The following AP1B1 variants were observed in gnomAD, a reference collection of about 807,000 sequenced individuals.
AP1B1 encodes the protein AP-1 complex subunit beta-1.
Under a neutral mutation model 104.3 loss-of-function variants are expected in AP1B1, and 36 were observed. The ratio of observed to expected loss-of-function variants is 0.35; its 90% CI spans 0.26 to 0.46. The LOEUF (loss-of-function observed/expected upper bound fraction) is 0.46, where lower values mean the gene tolerates loss of function less well. Among genes scored for constraint, AP1B1 ranks in the 20% least tolerant of loss-of-function variants. The pLI is 1.00. For missense variants in AP1B1, 901 were observed against 1,247.9 expected (o/e 0.72, Z 4.19); for synonymous variants, 504 against 517.5 (o/e 0.97, Z 0.35).
rs755454951 is a variant in AP1B1, at chr22:29,359,836, G to A, written c.267C>T (p.Asn89=). The change falls in exon 4 of 23, where the codon AAC becomes AAT. Residue 89 remains asparagine, a synonymous_variant. Transcript: ENST00000357586. The part of the protein sequence containing the change: ...SQPDMAIMAV[N]TFVKDCEDPN... ...AGCGTCTGCTCACCTTCACAAAGGT[G>A]TTGACGGCCATAATGGCCATGTCAG... 3 of 1,613,662 alleles carry A rather than the reference G, an allele frequency of 1.9e-6. No individual in the cohort carries two copies. In the South Asian group the frequency reaches 3.3e-5, roughly 18 times the overall value.
At chr22:29,345,550 T>TA (rs397806241) in intron 11 of AP1B1, among the ~76,000 whole-genome samples, 2 of 147,594 alleles carry the variant, frequency 1.4e-5, no homozygotes, top group Non-Finnish European at 3.0e-5. Flanking sequence ...TTTTTTTTTT[T>TA]ATAGAGATGA....
chr22:29,374,297 A>T (rs1037313320), intron 1 of AP1B1, among the ~76,000 whole-genome samples: 1 of 151,536 alleles, frequency 6.6e-6, no homozygotes, highest in Non-Finnish European at 1.5e-5. Context: ...AAGTCTTTGG[A>T]GTGTGACATC....
chr22:29,344,704 T>C (rs1195585865), intron 11 of AP1B1, among the ~76,000 whole-genome samples: 2 of 151,672 alleles, frequency 1.3e-5, no homozygotes, highest in Non-Finnish European at 2.9e-5. Context: ...TTTGTATTTT[T>C]AGATGGGTTT....
At chr22:29,358,278 T>C (rs16987443) in intron 5 of AP1B1, among the ~76,000 whole-genome samples, 1,742 of 152,224 alleles carry the variant, frequency 0.011, 42 homozygotes, top group African/African-American at 0.04. Context: ...GGTGACCCTC[T>C]ACAACCCAAC....
At chr22:29,378,374 T>C (rs1224114853) in intron 1 of AP1B1, among the ~76,000 whole-genome samples, 1 of 150,942 alleles carries the variant, frequency 6.6e-6, no homozygotes, top group South Asian at 2.1e-4. Flanking sequence ...CTGGGCAACA[T>C]GGCGAAACCC....
chr22:29,372,331 G>A (rs2062253522), intron 1 of AP1B1, among the ~76,000 whole-genome samples: 1 of 151,726 alleles, frequency 6.6e-6, no homozygotes, highest in African/African-American at 2.4e-5. Flanking sequence ...GGCTGAGGTA[G>A]GGGAATCACT....
chr22:29,364,934 C>T (rs2062109234), intron 2 of AP1B1, among the ~76,000 whole-genome samples: 1 of 151,528 alleles, frequency 6.6e-6, no homozygotes, highest in Non-Finnish European at 1.5e-5. Flanking sequence ...GTCTCAAACT[C>T]CTGACCTCAG....
At chr22:29,342,257 G>A in intron 12 of AP1B1, 28 bp downstream of exon 12, 1 of 1,577,518 alleles carries the variant, frequency 6.3e-7, no homozygotes, top group Non-Finnish European at 8.7e-7. Context: ...GGCTATGCTG[G>A]GCACAGCGGG....
chr22:29,342,248 G>A (rs1218093176), intron 12 of AP1B1, 37 bp downstream of exon 12: 1 of 1,538,506 alleles, frequency 6.5e-7, no homozygotes, highest in Non-Finnish European at 9.0e-7. Flanking sequence ...TTGAGTGAGG[G>A]CTATGCTGGG....
chr22:29,339,812 C>A, intron 14 of AP1B1, 38 bp from the exon 15 acceptor site: 1 of 1,597,376 alleles, frequency 6.3e-7, no homozygotes, highest in Non-Finnish European at 8.5e-7. Context: ...GAACAGGCAG[C>A]CACATGCAGA....
intron 1 of AP1B1, among the ~76,000 whole-genome samples, chr22:29,368,788 A>C (rs1368981307): frequency 1.3e-5 from 2 of 151,654 alleles, no homozygotes; most frequent in African/African-American, 4.8e-5. Flanking sequence ...GGCCGGACGC[A>C]GTGGTGCACA....
chr22:29,344,485 C>A (rs80275574), intron 11 of AP1B1, among the ~76,000 whole-genome samples: 1 of 149,540 alleles, frequency 6.7e-6, no homozygotes, highest in South Asian at 2.1e-4. Flanking sequence ...CAGGGCCAGA[C>A]GCTGGGCTGA....
At position 29,356,370 on chromosome 22, in the gene AP1B1, C is replaced by G. The variant is rs1442760824; in HGVS notation, c.716+56G>C. On this transcript the variant is annotated intron_variant, in intron 6 of 22. Coordinates refer to ENST00000357586, the MANE Select transcript of AP1B1 (RefSeq NM_001127.4). The stretch of plus-strand genomic sequence containing the variant: ...CCCAAGGCCCAGTGCCTGGTTGGAG[C>G]CCCTGAGGACCAGGGTCCTCAAGCT... The G allele has an allele frequency of 2.6e-6, 4 of 1,534,502 alleles. No homozygotes were observed. In the East Asian group the frequency reaches 9.3e-5, roughly 36 times the overall value.
rs200984005 is a variant in AP1B1, at chr22:29,331,901, G to A, written c.2325C>T (p.Pro775=). 21 of 1,610,132 alleles carry A rather than the reference G, an allele frequency of 1.3e-5. No individual in the cohort carries two copies. In the East Asian group the frequency reaches 2.2e-4, roughly 17 times the overall value. The change falls in exon 18 of 23, where the codon CCC becomes CCT. Residue 775 remains proline (P), a synonymous_variant. Coordinates refer to ENST00000357586, the MANE Select transcript of AP1B1 (RefSeq NM_001127.4). ...QFNRNSFGLA[P]AAPLQVHAPL... ...GCGCGTGGACCTGGAGGGGGGCGGC[G>A]GGGGCCAGGCCAAAGCTGGGGAGAG...
intron 16 of AP1B1, among the ~76,000 whole-genome samples, chr22:29,336,900 T>C (rs1335155303): frequency 6.6e-6 from 1 of 152,068 alleles, no homozygotes; most frequent in Non-Finnish European, 1.5e-5. Context: ...CTGCAGTGCC[T>C]GGCAAGGGCT....
chr22:29,377,915 T>C (rs2062372272), intron 1 of AP1B1, among the ~76,000 whole-genome samples: 1 of 151,996 alleles, frequency 6.6e-6, no homozygotes, highest in South Asian at 2.1e-4. Context: ...GTCAAGGCAT[T>C]TGTTTGGAGT....
Position 29,335,725 on chromosome 22 carries a change from A to T in AP1B1, c.2164-1315T>A, listed in dbSNP as rs1335796487. ...ACAGCCTGGTGCCCATCTGCTCCCC[A>T]GGCTTGGCTTGCCCCTGCCCCTGGG... is the stretch of plus-strand genomic sequence containing the variant. On this transcript the variant is annotated intron_variant, in intron 16 of 22. Transcript: ENST00000357586. Among the ~76,000 whole-genome samples, 7 of 152,160 alleles carry T rather than the reference A, an allele frequency of 4.6e-5. 1 individual carries two copies. In the South Asian group the frequency reaches 1.5e-3, roughly 32 times the overall value.
chr22:29,348,606 A>G (rs2061826826), intron 11 of AP1B1, among the ~76,000 whole-genome samples: 1 of 152,270 alleles, frequency 6.6e-6, no homozygotes, highest in East Asian at 1.9e-4. Context: ...ATCAATTGAC[A>G]AAAACGTTGG....
intron 11 of AP1B1, among the ~76,000 whole-genome samples, chr22:29,348,298 A>C (rs2061822798): frequency 6.6e-6 from 1 of 152,226 alleles, no homozygotes; most frequent in Admixed American, 6.5e-5. Context: ...CTCATGTTTC[A>C]GCTCTCATCC....
Sources: gnomAD v4.1 joint callset for allele counts (sites outside exome capture counted in the v4.1 genomes callset) on GRCh38, gnomAD v4.1.1 for gene constraint, MANE v1.5 for transcripts, NCBI Gene and HGNC (gene_info 2026-07-23, HGNC 2026-07-21) for gene names.